ZNF302: variants seen among roughly 807,000 people sequenced by gnomAD.
The protein encoded by ZNF302 is zinc finger protein 302.
A neutral mutation model predicts 10.8 loss-of-function variants in ZNF302; 12 were observed. The ratio of observed to expected loss-of-function variants is 1.11; its 90% confidence interval spans 0.71 to 1.79. ZNF302 has a LOEUF of 1.79. Ranked by LOEUF, ZNF302 falls within the 40% of genes most tolerant of loss-of-function variation. ZNF302 has a pLI of 0.00. For missense variants in ZNF302, 461 were observed against 471.1 expected, an observed-to-expected ratio of 0.98 and a Z score of 0.20; for synonymous variants, 178 against 157.5, an observed-to-expected ratio of 1.13 and a Z score of -0.98.
At position 34,684,857 on chromosome 19, in the gene ZNF302, A is replaced by G. The variant is rs1275795849; in HGVS notation, c.820A>G (p.Asn274Asp). 2 of 1,613,828 alleles carry G rather than the reference A, an allele frequency of 1.2e-6. No individual in the cohort carries two copies. The highest frequency in any genetic ancestry group is 2.2e-5 in the East Asian group (1 of 44,874). ...CTTTAGCCATGGCTCATCACTTACT[A>G]ACCATCAGAGCACTCACACGGGAGA... ...KAFSHGSSLT[N>D]HQSTHTGEKP... The change falls in exon 5 of 5, where the codon AAC (asparagine) becomes GAC (aspartate). Residue 274 changes from asparagine (N) to aspartate (D), a missense_variant. Physicochemically the swap from Asn to Asp is conservative, Grantham distance 23. Coordinates refer to ENST00000505242, the MANE Select transcript of ZNF302 (RefSeq NM_001289187.2).
In ZNF302 at chr19:34,685,059, A is replaced by C; in HGVS notation, c.1022A>C (p.Tyr341Ser). 6.2e-7 allele frequency: 1 copy of C among 1,613,258 alleles called. No homozygotes were observed. ...AAAAGCCATACTGGAGAGAAGCCTTATGAATGTAGAGAATGTGGGAAAGCT... is the reference window on the plus strand; with the variant it reads ...AAAAGCCATACTGGAGAGAAGCCTTCTGAATGTAGAGAATGTGGGAAAGCT... ...HQKSHTGEKP[Y>S]ECRECGKAFC... The change falls in exon 5 of 5, where the codon TAT becomes TCT. Residue 341 changes from tyrosine (Y) to serine (S), a missense_variant. Tyr to Ser is a moderately radical substitution (Grantham distance 144). Transcript: ENST00000505242.
At chr19:34,676,010 C>T (rs117074795), upstream of ZNF302, 2 of 152,328 alleles carry the variant, frequency 1.3e-5, no homozygotes, top group African/African-American at 2.4e-5. Context: ...ACATCCCACA[C>T]CTGGGAAGTA....
chr19:34,684,035 C>T, intron 4 of ZNF302: 4 of 1,509,184 alleles, frequency 2.7e-6, no homozygotes, highest in Non-Finnish European at 3.5e-6. Context: ...CTTCTGTGAA[C>T]TTTGGATTCT....
At position 34,684,619 on chromosome 19, in the gene ZNF302, T is replaced by C; in HGVS notation, c.582T>C (p.Thr194=). 2 of 1,614,086 alleles carry C rather than the reference T, an allele frequency of 1.2e-6. No individual in the cohort carries two copies. Among genetic ancestry groups the C allele is most frequent in the Non-Finnish European group, 8.5e-7 (1 of 1,179,950 alleles). ...GCAAATCTCTTACCCTTCCCCAGAC[T>C]TGTAATAGAGAGAAAATCTATACAT... is the stretch of plus-strand genomic sequence containing the variant. The part of the protein sequence containing the change: ...NQSKSLTLPQ[T]CNREKIYTCS... Residue 194 remains threonine, a synonymous_variant, in exon 5 of 5, where the codon ACT becomes ACC. Transcript: ENST00000505242.
Position 34,684,976 on chromosome 19 carries a change from T to C in ZNF302, c.939T>C (p.Tyr313=), listed in dbSNP as rs757010789. The stretch of plus-strand genomic sequence containing the variant: ...GAATTCATACGCAAGAAAAACGCTA[T>C]GAGTGTCGTATATGTGGAAAGGCCT... ...HLRIHTQEKR[Y]ECRICGKAFI... is the part of the protein sequence containing the mutation. Residue 313 remains tyrosine, a synonymous_variant, in exon 5 of 5, where the codon TAT becomes TAC. Transcript: ENST00000505242. 2.0e-5 allele frequency: 32 copies of C among 1,613,972 alleles called. No homozygotes were observed. Among genetic ancestry groups the C allele is most frequent in the Admixed American group, 5.0e-5 (3 of 59,968 alleles).
Position 34,678,867 on chromosome 19 carries a change from GTTTGC to G in ZNF302, c.9+62_9+66del, listed in dbSNP as rs931214778. 1.6e-5 allele frequency: 25 copies of G among 1,610,666 alleles called. 1 individual carries two copies. In the African/African-American group the frequency reaches 2.9e-4, roughly 19 times the overall value. ...GAAACACTTTATTAGGCCTCTGTGT[GTTTGC>G]TTTGCTTCTCCTGCCTGTTCCCACC... On this transcript the variant is annotated intron_variant, in intron 2 of 4. Transcript: ENST00000505242.
At chr19:34,684,192 A>AGGC in intron 4 of ZNF302, 60 bp from the exon 5 acceptor site, 14 of 1,129,758 alleles carry the variant, frequency 1.2e-5, no homozygotes, top group Non-Finnish European at 1.6e-5. Context: ...AAAAAAAAAA[A>AGGC]AAAAAAAAAA....
At chr19:34,676,717 A>G (rs896479489), upstream of ZNF302, 7 of 152,368 alleles carry the variant, frequency 4.6e-5, no homozygotes, top group African/African-American at 7.2e-5. Flanking sequence ...CATGCAGGTC[A>G]GTACTTAATA....
intron 4 of ZNF302, 134 bp downstream of exon 4, chr19:34,683,372 T>C (rs978116262): frequency 1.6e-5 from 16 of 991,024 alleles, no homozygotes; most frequent in Non-Finnish European, 2.4e-5. Context: ...GAGGGATATT[T>C]AGCTTAGATT....
intron 2 of ZNF302, among the ~76,000 whole-genome samples, chr19:34,680,816 T>A (rs1465432320): frequency 6.6e-6 from 1 of 152,256 alleles, no homozygotes; most frequent in Non-Finnish European, 1.5e-5. Flanking sequence ...CAAATTGAAC[T>A]GTCAAATCTT....
intron 2 of ZNF302, 184 bp from the exon 3 acceptor site, chr19:34,682,593 C>T: frequency 2.6e-6 from 2 of 760,988 alleles, no homozygotes; most frequent in African/African-American, 1.8e-5. Context: ...TAACTGTCCC[C>T]TTTATTGTAT....
intron 1 of ZNF302, 99 bp downstream of exon 1, chr19:34,678,202 T>C (rs972157899): frequency 6.6e-5 from 10 of 152,282 alleles, no homozygotes; most frequent in African/African-American, 1.2e-4. Context: ...CCTTCCGAAG[T>C]GCTGGGATTA....
At chr19:34,680,263 G>T (rs1200743536) in intron 2 of ZNF302, among the ~76,000 whole-genome samples, 3 of 152,174 alleles carry the variant, frequency 2.0e-5, no homozygotes, top group Non-Finnish European at 2.9e-5. Context: ...TGAAGTACCT[G>T]TTAGGAAGAG....
intron 4 of ZNF302, 37 bp downstream of exon 4, chr19:34,683,275 G>A: frequency 6.2e-7 from 1 of 1,612,344 alleles, no homozygotes; most frequent in Non-Finnish European, 8.5e-7. Flanking sequence ...ACGAGACAAA[G>A]GAAGATTTTG....
At position 34,684,333 on chromosome 19, in the gene ZNF302, T is replaced by A. The variant is rs1333060944; in HGVS notation, c.296T>A (p.Met99Lys). 8 of 1,594,908 alleles carry A rather than the reference T, an allele frequency of 5.0e-6. No individual in the cohort carries two copies. In the South Asian group the frequency reaches 9.2e-5, roughly 18 times the overall value. Residue 99 changes from methionine to lysine, a missense_variant, in exon 5 of 5, where the codon ATG becomes AAG. Transcript: ENST00000505242. The stretch of plus-strand genomic sequence containing the variant: ...GAAGATTCACCCCAACCAGTAACAA[T>A]GGAAAAAGTTGTAAAACAAAGTTAT... ...YDEDSPQPVT[M>K]EKVVKQSYEF...
chr19:34,686,131 AC>A lies in ZNF302; in HGVS notation c.*895del, dbSNP rs2068643614. 6.6e-6 allele frequency: 1 copy of A among 152,620 alleles called. No homozygotes were observed. Among genetic ancestry groups the A allele is most frequent in the African/African-American group, 2.4e-5 (1 of 41,476 alleles). 9.5% of individuals were successfully genotyped at this position (152,620 alleles called of 1,614,324 possible). A position where few individuals can be genotyped will look rare whatever the true frequency, so the allele number is the denominator to read the frequency against. On this transcript the variant is annotated 3_prime_UTR_variant, in exon 5 of 5. Transcript: ENST00000505242. Reference sequence around the variant, plus strand: ...GAGCAACCTGAAGGATTTAGAAATTACATATAAATCTTTGCAGTTATGCTAT... The same window carrying A: ...GAGCAACCTGAAGGATTTAGAAATTAATATAAATCTTTGCAGTTATGCTAT...
chr19:34,679,514 C>T (rs938800574), intron 2 of ZNF302, among the ~76,000 whole-genome samples: 1 of 152,216 alleles, frequency 6.6e-6, no homozygotes, highest in African/African-American at 2.4e-5. Flanking sequence ...CCTCCTCATT[C>T]CTGTGCGCTC....
chr19:34,685,417 G>T lies in ZNF302; in HGVS notation c.*180G>T. On this transcript the variant is annotated 3_prime_UTR_variant, in exon 5 of 5. Coordinates refer to ENST00000505242, the MANE Select transcript of ZNF302 (RefSeq NM_001289187.2). ...CTTACGAATGTATTAAATGTGGGAAGACCTTCAGCTGTAGTTCAAACCTTA... is the reference window on the plus strand; with the variant it reads ...CTTACGAATGTATTAAATGTGGGAATACCTTCAGCTGTAGTTCAAACCTTA... 1.9e-6 allele frequency: 3 copies of T among 1,605,584 alleles called. No homozygotes were observed. Among genetic ancestry groups the T allele is most frequent in the Non-Finnish European group, 2.6e-6 (3 of 1,172,566 alleles).
intron 2 of ZNF302, 93 bp downstream of exon 2, chr19:34,678,906 T>C: frequency 6.8e-7 from 1 of 1,473,054 alleles, no homozygotes; most frequent in South Asian, 1.1e-5. Flanking sequence ...CCTAATCAAG[T>C]CCATTTAAGG....
Sources: gnomAD v4.1 joint callset for allele counts (sites outside exome capture counted in the v4.1 genomes callset) on GRCh38, gnomAD v4.1.1 for gene constraint, MANE v1.5 for transcripts, NCBI Gene and HGNC (gene_info 2026-07-23, HGNC 2026-07-21) for gene names.